Variants in SYNPR observed in about 807,000 individuals in gnomAD.
The protein encoded by SYNPR is synaptoporin.
Under a neutral mutation model 32.9 loss-of-function variants are expected in SYNPR, and 23 were observed. The ratio of observed to expected loss-of-function variants is 0.70; its 90% CI spans 0.50 to 0.99. The LOEUF (loss-of-function observed/expected upper bound fraction) is 0.99. Ranked by LOEUF, SYNPR falls within the 50% of genes least tolerant of loss-of-function variation. The probability of loss-of-function intolerance (pLI) is 0.00; values close to 1 mark genes in which losing one functional copy is unlikely to be tolerated. For missense variants in SYNPR, 318 were observed against 349.3 expected, an observed-to-expected ratio of 0.91 and a Z score of 0.71; for synonymous variants, 146 against 135.9, an observed-to-expected ratio of 1.07 and a Z score of -0.52.
intron 4 of SYNPR, among the ~76,000 whole-genome samples, chr3:63,601,273 C>CA (rs11463845): frequency 0.25 from 34,772 of 137,942 alleles, 4,150 homozygotes; most frequent in East Asian, 0.32. Context: ...AACGCCATCT[C>CA]AAAAAAAAAA....
chr3:63,379,354 G>C (rs2087936188), intron 2 of SYNPR, among the ~76,000 whole-genome samples: 1 of 152,088 alleles, frequency 6.6e-6, no homozygotes, highest in East Asian at 1.9e-4. Context: ...ATATTCTTGA[G>C]TTATTCTATT....
chr3:63,274,369 GT>G (rs2086558821), upstream of SYNPR, among the ~76,000 whole-genome samples: 1 of 151,654 alleles, frequency 6.6e-6, no homozygotes, highest in Admixed American at 6.6e-5. Flanking sequence ...AAAATGCTTG[GT>G]TTTGTTACTT....
At chr3:63,432,289 C>A (rs1700009646) in intron 2 of SYNPR, among the ~76,000 whole-genome samples, 1 of 152,116 alleles carries the variant, frequency 6.6e-6, no homozygotes, top group Non-Finnish European at 1.5e-5. Context: ...GTCCTTGTCT[C>A]TCAGGAGGAC....
intron 2 of SYNPR, among the ~76,000 whole-genome samples, chr3:63,400,713 C>T (rs530329451): frequency 6.6e-6 from 1 of 152,262 alleles, no homozygotes; most frequent in Non-Finnish European, 1.5e-5. Flanking sequence ...CTCCACCACT[C>T]AAAGACAGGA....
At chr3:63,316,485 T>C (rs2087044955) in intron 2 of SYNPR, among the ~76,000 whole-genome samples, 1 of 151,990 alleles carries the variant, frequency 6.6e-6, no homozygotes, top group South Asian at 2.1e-4. Context: ...TTCCAGGAAT[T>C]TATCCATCTC....
rs114026967 is a variant in SYNPR at position 63,473,930 on chromosome 3, G to A, written c.85-6902G>A. ...CTGCAAAGTAAAATGTGCCCACTCAGTTACTGTTTGATAACTGTCTTAGTC... is the reference window on the plus strand; with the variant it reads ...CTGCAAAGTAAAATGTGCCCACTCAATTACTGTTTGATAACTGTCTTAGTC... On this transcript the variant is annotated intron_variant, in intron 2 of 5. Coordinates refer to ENST00000478300, the MANE Select transcript of SYNPR (RefSeq NM_001130003.2). 1.5e-3 allele frequency among the ~76,000 whole-genome samples: 226 copies of A among 152,310 alleles called. 1 individual carries two copies. Among genetic ancestry groups the A allele is most frequent in the Non-Finnish European group, 2.4e-3 (163 of 68,014 alleles).
At chr3:63,509,789 T>C (rs966263742) in intron 3 of SYNPR, among the ~76,000 whole-genome samples, 1 of 152,166 alleles carries the variant, frequency 6.6e-6, no homozygotes, top group Non-Finnish European at 1.5e-5. Context: ...GCAAAAAACT[T>C]AGCATGGTAT....
At chr3:63,367,911 A>G (rs1424858212) in intron 2 of SYNPR, among the ~76,000 whole-genome samples, 1 of 152,200 alleles carries the variant, frequency 6.6e-6, no homozygotes, top group Non-Finnish European at 1.5e-5. Flanking sequence ...ACTAGTAGTT[A>G]AAGGTTAGTA....
intron 5 of SYNPR, among the ~76,000 whole-genome samples, chr3:63,612,971 C>T (rs774589227): frequency 2.1e-5 from 3 of 145,126 alleles, no homozygotes; most frequent in Non-Finnish European, 4.5e-5. Flanking sequence ...CTTTTGTTTC[C>T]TTTTTTCTTT....
At chr3:63,505,087 T>A (rs1363981675) in intron 3 of SYNPR, among the ~76,000 whole-genome samples, 1 of 152,144 alleles carries the variant, frequency 6.6e-6, no homozygotes, top group Non-Finnish European at 1.5e-5. Flanking sequence ...GTGATCAGTG[T>A]TAACAGCTCT....
intron 2 of SYNPR, among the ~76,000 whole-genome samples, chr3:63,388,561 T>TGTGA (rs1426059496): frequency 8.9e-6 from 1 of 112,188 alleles, no homozygotes; most frequent in Non-Finnish European, 1.8e-5. Flanking sequence ...CTAATTTGTG[T>TGTGA]GTGTGTGTGT....
intron 2 of SYNPR, among the ~76,000 whole-genome samples, chr3:63,255,082 G>T (rs916081811): frequency 3.9e-4 from 60 of 152,142 alleles, no homozygotes; most frequent in Non-Finnish European, 4.1e-4. Context: ...GGCAGCCCTT[G>T]TTGGTTTTTA....
intron 2 of SYNPR, among the ~76,000 whole-genome samples, chr3:63,253,643 C>T (rs1400825065): frequency 1.3e-5 from 2 of 151,968 alleles, no homozygotes; most frequent in Non-Finnish European, 2.9e-5. Context: ...GTTAGAATGG[C>T]GATCATTAAA....
chr3:63,424,492 T>G (rs2107135703), intron 2 of SYNPR, among the ~76,000 whole-genome samples: 1 of 152,348 alleles, frequency 6.6e-6, no homozygotes, highest in Admixed American at 6.5e-5. Context: ...TAAATAGGAA[T>G]GCATAAAGCA....
chr3:63,225,873 T>C (rs568862158), upstream of SYNPR, among the ~76,000 whole-genome samples: 1 of 151,980 alleles, frequency 6.6e-6, no homozygotes, highest in African/African-American at 2.4e-5. Flanking sequence ...AGACAACTTA[T>C]GAATGGCAGA....
At chr3:63,310,541 T>A (rs1296216245) in intron 2 of SYNPR, among the ~76,000 whole-genome samples, 1 of 152,082 alleles carries the variant, frequency 6.6e-6, no homozygotes, top group Non-Finnish European at 1.5e-5. Flanking sequence ...CTATTTCATA[T>A]AGATTCTTGC....
chr3:63,545,396 T>C (rs552087089), intron 3 of SYNPR: 77 of 152,250 alleles, frequency 5.1e-4, no homozygotes, highest in African/African-American at 1.8e-3. Context: ...AGTATATAAA[T>C]TCAAAATGTC....
chr3:63,408,788 G>A (rs2088422881), intron 2 of SYNPR, among the ~76,000 whole-genome samples: 1 of 152,098 alleles, frequency 6.6e-6, no homozygotes, highest in African/African-American at 2.4e-5. Context: ...TGATTCAAAT[G>A]CCAATCTTTC....
intron 3 of SYNPR, among the ~76,000 whole-genome samples, chr3:63,509,138 A>T (rs558148480): frequency 8.6e-5 from 13 of 151,706 alleles, no homozygotes; most frequent in African/African-American, 2.7e-4. Context: ...ACACACATAT[A>T]TGTATGGGTA....
Sources: gnomAD v4.1 joint callset for allele counts (sites outside exome capture counted in the v4.1 genomes callset) on GRCh38, gnomAD v4.1.1 for gene constraint, MANE v1.5 for transcripts, NCBI Gene and HGNC (gene_info 2026-07-23, HGNC 2026-07-21) for gene names.